PCDHGB1: variants seen among roughly 807,000 people sequenced by gnomAD.
The protein encoded by PCDHGB1 is protocadherin gamma subfamily B, 1.
A neutral mutation model predicts 56.6 loss-of-function variants in PCDHGB1; 34 were observed. That is an observed-to-expected ratio of 0.60 (90% CI 0.46 to 0.80). PCDHGB1 has a LOEUF of 0.80. Ranked by LOEUF, PCDHGB1 falls within the 30% of genes least tolerant of loss-of-function variation. The probability of loss-of-function intolerance (pLI) is 0.00; values close to 1 mark genes in which losing one functional copy is unlikely to be tolerated. For synonymous variants in PCDHGB1, 561 were observed against 505.9 expected, an observed-to-expected ratio of 1.11 and a Z score of -1.46; for missense variants, 1,278 against 1,204.6, an observed-to-expected ratio of 1.06 and a Z score of -0.90.
chr5:141,383,790 T>C, intron 1 of PCDHGB1: 1 of 1,614,006 alleles, frequency 6.2e-7, no homozygotes. Context: ...TGAACTCGCT[T>C]ACAGGAGAAA....
intron 1 of PCDHGB1, chr5:141,384,489 A>G: frequency 6.2e-7 from 1 of 1,614,168 alleles, no homozygotes. Flanking sequence ...AACTACAACT[A>G]AGAGTGACTG....
At chr5:141,447,232 C>T (rs988057696) in intron 1 of PCDHGB1, among the ~76,000 whole-genome samples, 3 of 152,062 alleles carry the variant, frequency 2.0e-5, no homozygotes, top group East Asian at 1.9e-4. Flanking sequence ...CTCCGCCTCC[C>T]GGGTTCAAGT....
chr5:141,365,797 C>T (rs376466748), intron 1 of PCDHGB1: 1 of 1,613,978 alleles, frequency 6.2e-7, no homozygotes, highest in Non-Finnish European at 8.5e-7. Context: ...GAGTCACCTA[C>T]TCCCTGGCTG....
chr5:141,415,764 T>G lies in PCDHGB1; in HGVS notation c.2409+63095T>G, dbSNP rs1158166352. The G allele has an allele frequency of 5.0e-6, 7 of 1,391,674 alleles. No homozygotes were observed. The African/African-American group carries it at 7.5e-5, about 15-fold the overall frequency. 86.2% of individuals were successfully genotyped at this position (1,391,674 alleles called of 1,614,324 possible). Reference sequence around the variant, plus strand: ...GGTTTTTTTTTTTTTTTTTTTTTTTTTTTTTTTTACTTTCTGGTAAAATTC... The same window carrying G: ...GGTTTTTTTTTTTTTTTTTTTTTTTGTTTTTTTTACTTTCTGGTAAAATTC... On this transcript the variant is annotated intron_variant, in intron 1 of 3. Coordinates refer to ENST00000523390, the MANE Select transcript of PCDHGB1 (RefSeq NM_018922.3).
Position 141,476,294 on chromosome 5 carries a change from A to G in PCDHGB1, c.2410-18513A>G. 6.2e-7 allele frequency: 1 copy of G among 1,613,036 alleles called. No homozygotes were observed. The highest frequency in any genetic ancestry group is 8.5e-7 in the Non-Finnish European group (1 of 1,179,642). On this transcript the variant is annotated intron_variant, in intron 1 of 3. Transcript: ENST00000523390. The surrounding 1 kb of genome is among the most constrained non-coding windows in gnomAD (Gnocchi z 7.6). ...CGCGAACCTTGGTTTGGATCTCGGT[A>G]GCCTCTCAGCCCGCAGGTTCCGGGT...
At chr5:141,414,781 G>A (rs755811755) in intron 1 of PCDHGB1, 1 of 1,614,230 alleles carries the variant, frequency 6.2e-7, no homozygotes, top group Admixed American at 1.7e-5. Context: ...ACAGATGCAG[G>A]TGACAGCCAG....
At chr5:141,355,987 A>G (rs775400390) in intron 1 of PCDHGB1, 2 of 1,613,824 alleles carry the variant, frequency 1.2e-6, no homozygotes, top group Non-Finnish European at 1.7e-6. Context: ...TCGGCTACTC[A>G]CCGTAAAAGC....
At chr5:141,417,452 C>A in intron 1 of PCDHGB1, 1 of 173,536 alleles carries the variant, frequency 5.8e-6, no homozygotes, top group Non-Finnish European at 1.2e-5. Flanking sequence ...ATAGTTATGA[C>A]CAAGTGGAAA....
At chr5:141,421,009 T>C (rs948913987) in intron 1 of PCDHGB1, 1 of 515,496 alleles carries the variant, frequency 1.9e-6, no homozygotes, top group East Asian at 3.2e-5. Flanking sequence ...AATCAGGGAA[T>C]GGGAAGCTGC....
chr5:141,488,672 G>A (rs1012955473), intron 1 of PCDHGB1, among the ~76,000 whole-genome samples: 20 of 152,208 alleles, frequency 1.3e-4, no homozygotes, highest in African/African-American at 4.8e-4. Context: ...GAATACATGG[G>A]CTTTGCCTCT....
rs191844335 is a variant in PCDHGB1 at position 141,394,289 on chromosome 5, C to A, written c.2409+41620C>A. ...ATGCCCAGGTCACTTACTCTGTGAC[C>A]GAGGACACGCTGCAGGGGGCGCCCC... On this transcript the variant is annotated intron_variant, in intron 1 of 3. Coordinates refer to ENST00000523390, the MANE Select transcript of PCDHGB1 (RefSeq NM_018922.3). The A allele has an allele frequency of 3.8e-5, 61 of 1,613,954 alleles. 1 individual carries two copies. In the African/African-American group the frequency reaches 6.0e-4, roughly 16 times the overall value.
At chr5:141,361,713 C>T (rs747794210) in intron 1 of PCDHGB1, 1 of 1,613,286 alleles carries the variant, frequency 6.2e-7, no homozygotes, top group African/African-American at 1.3e-5. Flanking sequence ...AGCAGCTGCG[C>T]GCCTTCGAGC....
At chr5:141,362,647 G>A (rs1762612378) in intron 1 of PCDHGB1, 3 of 1,443,954 alleles carry the variant, frequency 2.1e-6, no homozygotes, top group South Asian at 1.4e-5. Context: ...TTGTCTGTGA[G>A]TTAGATTTGG....
chr5:141,491,747 G>C lies in PCDHGB1; in HGVS notation c.2410-3060G>C. 6.3e-7 allele frequency: 1 copy of C among 1,591,872 alleles called. No homozygotes were observed. The highest frequency in any genetic ancestry group is 8.5e-7 in the Non-Finnish European group (1 of 1,170,328). ...CGGGCGACCCCTGGGGGCGGCACTG[G>C]AGAAGCCGCCCGTCCTCATAAGGGA... On this transcript the variant is annotated intron_variant, in intron 1 of 3. Transcript: ENST00000523390. This position sits in a 1 kb window ranked among gnomAD's most constrained non-coding sequence, Gnocchi z 6.9.
chr5:141,427,199 A>G (rs900332017), intron 1 of PCDHGB1: 5 of 456,766 alleles, frequency 1.1e-5, no homozygotes, highest in Non-Finnish European at 2.2e-5. Context: ...AAGACTTAAT[A>G]GACTTCGAAT....
chr5:141,376,672 TA>T, intron 1 of PCDHGB1: 1 of 691,294 alleles, frequency 1.4e-6, no homozygotes, highest in Non-Finnish European at 2.3e-6. Flanking sequence ...CAGGTGAGGG[TA>T]TCGTTTTTTT....
chr5:141,492,602 C>G (rs1352851783), intron 1 of PCDHGB1, among the ~76,000 whole-genome samples: 2 of 152,222 alleles, frequency 1.3e-5, no homozygotes, highest in Non-Finnish European at 2.9e-5. Flanking sequence ...GAGCGACTGC[C>G]GCTCTAAGTG....
intron 1 of PCDHGB1, among the ~76,000 whole-genome samples, chr5:141,443,780 A>G (rs1337883957): frequency 6.6e-6 from 1 of 152,202 alleles, no homozygotes; most frequent in Non-Finnish European, 1.5e-5. Flanking sequence ...TACCAAAAAG[A>G]CAAAAAAAAT....
intron 2 of PCDHGB1, among the ~76,000 whole-genome samples, chr5:141,497,219 A>G (rs974609491): frequency 6.7e-6 from 1 of 149,602 alleles, no homozygotes; most frequent in South Asian, 2.1e-4. Context: ...TGGGGGGGGG[A>G]AGATCAGAGA....
Sources: allele counts gnomAD v4.1 joint callset (sites outside exome capture counted in the v4.1 genomes callset), GRCh38; gene constraint gnomAD v4.1.1; non-coding constraint Gnocchi (gnomAD v3.1); transcripts MANE v1.5; gene names NCBI Gene and HGNC (gene_info 2026-07-23, HGNC 2026-07-21).